MLLT3: variants seen among roughly 807,000 people sequenced by gnomAD.
MLLT3 encodes the protein protein AF-9.
MLLT3 carries 4 observed loss-of-function variants against 53.2 expected under a neutral mutation model. The ratio of observed to expected loss-of-function variants is 0.08; its 90% CI spans 0.04 to 0.17. The LOEUF (loss-of-function observed/expected upper bound fraction) is 0.17, where lower values mean the gene tolerates loss of function less well. Ranked by LOEUF, MLLT3 falls within the 10% of genes least tolerant of loss-of-function variation. The probability of loss-of-function intolerance (pLI) is 1.00; values close to 1 mark genes in which losing one functional copy is unlikely to be tolerated. For synonymous variants in MLLT3, 283 were observed against 230.6 expected, an observed-to-expected ratio of 1.23 and a Z score of -2.06; for missense variants, 569 against 684.0, an observed-to-expected ratio of 0.83 and a Z score of 1.87.
chr9:20,544,320 A>T (rs1818726625), intron 2 of MLLT3, among the ~76,000 whole-genome samples: 2 of 152,226 alleles, frequency 1.3e-5, no homozygotes, highest in Non-Finnish European at 2.9e-5. Context: ...GACTATATAT[A>T]CCACGCTCAC....
rs1359623181 is a variant in MLLT3, at chr9:20,620,621, T to C, written c.193+33A>G. The C allele has an allele frequency of 6.3e-7, 1 of 1,595,004 alleles. No homozygotes were observed. The highest frequency in any genetic ancestry group is 1.3e-5 in the African/African-American group (1 of 74,264). ...GCCAAGCGATTGTTTCAAAGACATT[T>C]TTTATCAAGACCCTTTTGTATTCGA... On this transcript the variant is annotated intron_variant, in intron 2 of 10. Transcript: ENST00000380338. The surrounding 1 kb of genome is among the most constrained non-coding windows in gnomAD (Gnocchi z 6.1).
At chr9:20,571,737 A>G (rs1459726436) in intron 2 of MLLT3, among the ~76,000 whole-genome samples, 1 of 152,226 alleles carries the variant, frequency 6.6e-6, no homozygotes, top group Non-Finnish European at 1.5e-5. Context: ...AGACATTCTA[A>G]AAGACAAAAC....
chr9:20,580,212 G>A (rs1819756814), intron 2 of MLLT3, among the ~76,000 whole-genome samples: 1 of 151,736 alleles, frequency 6.6e-6, no homozygotes, highest in African/African-American at 2.4e-5. Context: ...TTCCTTGGGA[G>A]CATTTAATTA....
At chr9:20,407,847 A>C (rs1262117899) in intron 5 of MLLT3, among the ~76,000 whole-genome samples, 1 of 152,188 alleles carries the variant, frequency 6.6e-6, no homozygotes, top group East Asian at 1.9e-4. Flanking sequence ...AAGGGTGACT[A>C]ACAGACTAAA....
At chr9:20,594,328 A>T (rs1820198796) in intron 2 of MLLT3, among the ~76,000 whole-genome samples, 1 of 152,100 alleles carries the variant, frequency 6.6e-6, no homozygotes, top group East Asian at 1.9e-4. Flanking sequence ...TCGACATACT[A>T]ATGCTTTCTG....
intron 2 of MLLT3, among the ~76,000 whole-genome samples, chr9:20,551,562 C>A (rs1818925848): frequency 6.6e-6 from 1 of 152,180 alleles, no homozygotes. Context: ...TCTCCTGTGA[C>A]ACTTTTAATT....
chr9:20,622,295 AC>A lies in MLLT3; in HGVS notation c.-40del, dbSNP rs35653310. The A allele has an allele frequency of 1.2e-3, 1,694 of 1,457,588 alleles. 7 individuals are homozygous for A. Among genetic ancestry groups the A allele is most frequent in the South Asian group, 2.1e-3 (164 of 76,376 alleles). 90.3% of individuals were successfully genotyped at this position (1,457,588 alleles called of 1,614,324 possible). On this transcript the variant is annotated 5_prime_UTR_variant, in exon 1 of 11. Coordinates refer to ENST00000380338, the MANE Select transcript of MLLT3 (RefSeq NM_004529.4). Reference sequence around the variant, plus strand: ...GAGGTTTGCTGGGGTGTTGTGTGGTACCCCCCCCTCCTCCGCCCCCCCTCAG... The same window carrying A: ...GAGGTTTGCTGGGGTGTTGTGTGGTACCCCCCCTCCTCCGCCCCCCCTCAG...
intron 5 of MLLT3, chr9:20,412,093 C>G (rs900669207): frequency 6.6e-6 from 1 of 152,044 alleles, no homozygotes; most frequent in Non-Finnish European, 1.5e-5. Context: ...TTGAAAACCT[C>G]TATACTAGAA....
chr9:20,594,975 T>C (rs1487811921), intron 2 of MLLT3, among the ~76,000 whole-genome samples: 1 of 152,114 alleles, frequency 6.6e-6, no homozygotes, highest in Non-Finnish European at 1.5e-5. Context: ...AAACAGCAGC[T>C]CATACTGCTG....
Position 20,578,654 on chromosome 9 carries a change from G to C in MLLT3, c.193+42000C>G, listed in dbSNP as rs535861593. On this transcript the variant is annotated intron_variant, in intron 2 of 10. Transcript: ENST00000380338. Reference sequence around the variant, plus strand: ...CGTCAAATGTGGCTAGTGCAACTGAGGACCTGCATTTTAAATTATATTTTA... The same window carrying C: ...CGTCAAATGTGGCTAGTGCAACTGACGACCTGCATTTTAAATTATATTTTA... Among the ~76,000 whole-genome samples, 1,149 of 152,154 alleles carry C rather than the reference G, an allele frequency of 7.6e-3. 4 individuals are homozygous for C. The highest frequency in any genetic ancestry group is 0.013 in the Non-Finnish European group (859 of 68,000).
rs182311802 is a variant in MLLT3 at position 20,388,864 on chromosome 9, T to C, written c.1126-23120A>G. Among the ~76,000 whole-genome samples, 8 of 152,260 alleles carry C rather than the reference T, an allele frequency of 5.3e-5. No homozygotes were observed. In the East Asian group the frequency reaches 1.5e-3, roughly 29 times the overall value. On this transcript the variant is annotated intron_variant, in intron 5 of 10. Coordinates refer to ENST00000380338, the MANE Select transcript of MLLT3 (RefSeq NM_004529.4). ...GGTAATAACTGACCTAACGTGACAT[T>C]CCAGTGGGGAGAAAAACAACCATCT... is the stretch of plus-strand genomic sequence containing the variant.
intron 5 of MLLT3, among the ~76,000 whole-genome samples, chr9:20,385,466 A>C (rs2118707598): frequency 6.6e-6 from 1 of 152,296 alleles, no homozygotes; most frequent in African/African-American, 2.4e-5. Flanking sequence ...TCTTCTTTAT[A>C]AAACAATTCT....
At chr9:20,544,761 T>A (rs981368130) in intron 2 of MLLT3, among the ~76,000 whole-genome samples, 1 of 152,164 alleles carries the variant, frequency 6.6e-6, no homozygotes, top group Non-Finnish European at 1.5e-5. Context: ...GCAATCAGTA[T>A]CTCAAATAAA....
intron 2 of MLLT3, among the ~76,000 whole-genome samples, chr9:20,543,848 A>G (rs1192083802): frequency 6.6e-6 from 1 of 152,214 alleles, no homozygotes; most frequent in Non-Finnish European, 1.5e-5. Context: ...ATGCTATTGG[A>G]AAAATGGTGC....
chr9:20,388,495 G>C (rs1822097606), intron 5 of MLLT3, among the ~76,000 whole-genome samples: 5 of 152,118 alleles, frequency 3.3e-5, no homozygotes, highest in Admixed American at 2.6e-4. Context: ...GGCTGAGGCA[G>C]GAGAATGGAG....
chr9:20,461,012 A>C (rs1050721988), intron 2 of MLLT3, among the ~76,000 whole-genome samples: 1 of 152,148 alleles, frequency 6.6e-6, no homozygotes, highest in Non-Finnish European at 1.5e-5. Context: ...ACAGCCGTAA[A>C]TAACCGCTCC....
intron 10 of MLLT3, among the ~76,000 whole-genome samples, chr9:20,347,381 C>A (rs1037102941): frequency 2.6e-5 from 4 of 152,096 alleles, no homozygotes; most frequent in Admixed American, 2.6e-4. Context: ...GAAATATTAT[C>A]TAGAAAAAGA....
intron 2 of MLLT3, among the ~76,000 whole-genome samples, chr9:20,572,861 CAG>C (rs1357772891): frequency 2.0e-5 from 3 of 152,138 alleles, no homozygotes; most frequent in Non-Finnish European, 4.4e-5. Context: ...GGTCTAGAAA[CAG>C]AAAATTTCTG....
At chr9:20,604,941 T>C (rs915790794) in intron 2 of MLLT3, among the ~76,000 whole-genome samples, 26 of 152,266 alleles carry the variant, frequency 1.7e-4, no homozygotes, top group East Asian at 9.6e-4. Flanking sequence ...AACTTTTAAA[T>C]ACTGGCTACA....
Sources: gnomAD v4.1 joint callset for allele counts (sites outside exome capture counted in the v4.1 genomes callset) on GRCh38, gnomAD v4.1.1 for gene constraint, Gnocchi (gnomAD v3.1) non-coding constraint, MANE v1.5 for transcripts, NCBI Gene and HGNC (gene_info 2026-07-23, HGNC 2026-07-21) for gene names.